XPR1: variants seen among roughly 807,000 people sequenced by gnomAD.
XPR1 encodes solute carrier family 53 member 1.
A neutral mutation model predicts 87.5 loss-of-function variants in XPR1; 28 were observed. That is an observed-to-expected ratio of 0.32 (90% CI 0.24 to 0.44). XPR1 has a LOEUF of 0.44. Ranked by LOEUF, XPR1 falls within the 20% of genes least tolerant of loss-of-function variation. The probability of loss-of-function intolerance (pLI) is 1.00; values close to 1 mark genes in which losing one functional copy is unlikely to be tolerated. For synonymous variants in XPR1, 300 were observed against 306.1 expected (o/e 0.98, Z 0.21); for missense variants, 559 against 862.3 (o/e 0.65, Z 4.41).
intron 9 of XPR1, among the ~76,000 whole-genome samples, chr1:180,829,104 G>A (rs1650964400): frequency 6.6e-6 from 1 of 152,172 alleles, no homozygotes; most frequent in Non-Finnish European, 1.5e-5. Flanking sequence ...GCTGAGGGAG[G>A]AGGATCGCTT....
chr1:180,756,432 T>G (rs1174931737), intron 2 of XPR1, among the ~76,000 whole-genome samples: 2 of 152,214 alleles, frequency 1.3e-5, no homozygotes, highest in Non-Finnish European at 2.9e-5. Flanking sequence ...CCATTTTTAT[T>G]TCTTCTTTGG....
chr1:180,642,411 C>G (rs1486697500), intron 1 of XPR1, among the ~76,000 whole-genome samples: 1 of 151,670 alleles, frequency 6.6e-6, no homozygotes, highest in Non-Finnish European at 1.5e-5. Flanking sequence ...CATGACTGTC[C>G]CCTTTCTTTT....
At chr1:180,764,257 ATGTG>A (rs1341122680) in intron 2 of XPR1, among the ~76,000 whole-genome samples, 1 of 152,104 alleles carries the variant, frequency 6.6e-6, no homozygotes, top group Non-Finnish European at 1.5e-5. Context: ...CCTTCAGCCG[ATGTG>A]TGTAAGTTGT....
At chr1:180,656,562 A>ATATT (rs1655526382) in intron 1 of XPR1, among the ~76,000 whole-genome samples, 3 of 48,482 alleles carry the variant, frequency 6.2e-5, no homozygotes, top group Admixed American at 3.6e-4. Flanking sequence ...TATATGTATA[A>ATATT]TATATATTTT....
At chr1:180,767,046 CCTT>C (rs1398642693) in intron 2 of XPR1, among the ~76,000 whole-genome samples, 2 of 152,090 alleles carry the variant, frequency 1.3e-5, no homozygotes, top group Non-Finnish European at 2.9e-5. Context: ...TCCTCTTTTT[CCTT>C]CTTTTCTCGC....
chr1:180,639,485 G>A (rs529536079), intron 1 of XPR1, among the ~76,000 whole-genome samples: 4 of 152,228 alleles, frequency 2.6e-5, no homozygotes, highest in African/African-American at 9.6e-5. Context: ...CCAGAAACCA[G>A]ATATAAATCC....
At chr1:180,755,677 G>C (rs935505439) in intron 2 of XPR1, among the ~76,000 whole-genome samples, 1 of 152,176 alleles carries the variant, frequency 6.6e-6, no homozygotes, top group Non-Finnish European at 1.5e-5. Flanking sequence ...TGGTATTTAT[G>C]TATTTCTTAA....
At chr1:180,682,772 G>A (rs1289540642) in intron 2 of XPR1, among the ~76,000 whole-genome samples, 1 of 151,264 alleles carries the variant, frequency 6.6e-6, no homozygotes, top group Non-Finnish European at 1.5e-5. Context: ...TTTATGTCAT[G>A]CCTTTAGAGT....
chr1:180,649,709 C>G lies in XPR1; in HGVS notation c.69+17439C>G, dbSNP rs535802776. Among the ~76,000 whole-genome samples, 225 of 152,256 alleles carry G rather than the reference C, an allele frequency of 1.5e-3. 1 individual carries two copies. Among genetic ancestry groups the G allele is most frequent in the Non-Finnish European group, 2.5e-3 (169 of 68,022 alleles). ...GAGATCCTACTATTTAGTATGTAGA[C>G]ATATTTTCAATCTGTGTTTCTCATC... On this transcript the variant is annotated intron_variant, in intron 1 of 14. Transcript: ENST00000367590.
chr1:180,825,011 T>C lies in XPR1; in HGVS notation c.954+68T>C, dbSNP rs1650775582. On this transcript the variant is annotated intron_variant, in intron 8 of 14. Transcript: ENST00000367590. ...TTAGCTATATAGCTATCTGGTTTAG[T>C]GGGTACTTAAATCCATCCTCTACTT... 4.5e-6 allele frequency: 7 copies of C among 1,539,950 alleles called. No individual in the cohort carries two copies. In the South Asian group the frequency reaches 8.9e-5, roughly 20 times the overall value.
At chr1:180,774,484 G>A (rs1464325623) in intron 2 of XPR1, among the ~76,000 whole-genome samples, 2 of 148,232 alleles carry the variant, frequency 1.3e-5, no homozygotes, top group African/African-American at 2.5e-5. Flanking sequence ...TCCGCCTCCC[G>A]GGTTCATGCC....
At chr1:180,704,887 A>G (rs1411117066) in intron 2 of XPR1, among the ~76,000 whole-genome samples, 2 of 140,714 alleles carry the variant, frequency 1.4e-5, no homozygotes, top group Non-Finnish European at 3.0e-5. Context: ...CACATACTGG[A>G]CACTGCTTTG....
intron 11 of XPR1, among the ~76,000 whole-genome samples, chr1:180,841,167 A>T (rs1651502292): frequency 6.6e-6 from 1 of 152,182 alleles, no homozygotes; most frequent in South Asian, 2.1e-4. Flanking sequence ...GGGTACCGAA[A>T]GAACCCCCAG....
chr1:180,661,068 T>C (rs1410173789), intron 1 of XPR1, among the ~76,000 whole-genome samples: 2 of 152,184 alleles, frequency 1.3e-5, no homozygotes, highest in Non-Finnish European at 2.9e-5. Flanking sequence ...TTATAGCCTG[T>C]TTCTGAATTG....
chr1:180,632,415 C>A, intron 1 of XPR1, 145 bp downstream of exon 1: 1 of 1,078,010 alleles, frequency 9.3e-7, no homozygotes, highest in Non-Finnish European at 1.4e-6. Context: ...TGCGGCATCC[C>A]CGCCGCGGCC....
intron 6 of XPR1, among the ~76,000 whole-genome samples, chr1:180,808,520 A>G (rs1479706115): frequency 6.6e-6 from 1 of 152,166 alleles, no homozygotes; most frequent in Non-Finnish European, 1.5e-5. Flanking sequence ...AAGAAAAGCA[A>G]GAGACTAGCA....
chr1:180,651,794 C>A (rs953803589), intron 1 of XPR1, among the ~76,000 whole-genome samples: 15 of 152,044 alleles, frequency 9.9e-5, no homozygotes, highest in Admixed American at 7.9e-4. Flanking sequence ...ATTGTAGAAC[C>A]TTTTGGTTCT....
chr1:180,787,239 T>C (rs1210165274), intron 2 of XPR1, among the ~76,000 whole-genome samples: 1 of 152,100 alleles, frequency 6.6e-6, no homozygotes. Context: ...GAAAGTCTCA[T>C]TCACTTAAAG....
chr1:180,742,558 G>C (rs1658956087), intron 2 of XPR1, among the ~76,000 whole-genome samples: 1 of 151,890 alleles, frequency 6.6e-6, no homozygotes, highest in Non-Finnish European at 1.5e-5. Flanking sequence ...AGTCTGTCTT[G>C]GTACATAGTT....
Sources: gnomAD v4.1 joint callset for allele counts (sites outside exome capture counted in the v4.1 genomes callset) on GRCh38, gnomAD v4.1.1 for gene constraint, MANE v1.5 for transcripts, NCBI Gene and HGNC (gene_info 2026-07-23, HGNC 2026-07-21) for gene names.